Variants in UBE2QL1 observed in about 807,000 individuals in gnomAD.
UBE2QL1 encodes ubiquitin-conjugating enzyme E2Q-like protein 1.
Under a neutral mutation model 12.6 loss-of-function variants are expected in UBE2QL1, and 5 were observed. That is an observed-to-expected ratio of 0.40 (90% CI 0.21 to 0.83). UBE2QL1 has a LOEUF of 0.83. Ranked by LOEUF, UBE2QL1 falls within the 40% of genes least tolerant of loss-of-function variation. UBE2QL1 has a pLI of 0.37. For synonymous variants in UBE2QL1, 96 were observed against 94.5 expected (o/e 1.02, Z -0.10); for missense variants, 99 against 222.6 (o/e 0.44, Z 3.53).
At chr5:6,491,177 C>T (rs1020347932) in intron 1 of UBE2QL1, 41 bp from the exon 2 acceptor site, 6 of 1,491,680 alleles carry the variant, frequency 4.0e-6, no homozygotes, top group African/African-American at 1.4e-5. Flanking sequence ...ACAGAATTCC[C>T]AGTGACGTTC....
chr5:6,492,843 C>T lies in UBE2QL1; in HGVS notation c.*1494C>T, dbSNP rs1364583010. On this transcript the variant is annotated 3_prime_UTR_variant, in exon 2 of 2. Transcript: ENST00000399816. ...CAAGTTCAGATGTTGCCAATTGTAT[C>T]TTACTGCTGTGAAGGAGGAAAAGTC... The T allele has an allele frequency of 6.6e-6, 1 of 152,194 alleles. No individual in the cohort carries two copies. The highest frequency in any genetic ancestry group is 1.5e-5 in the Non-Finnish European group (1 of 68,034). 9.4% of individuals were successfully genotyped at this position (152,194 alleles called of 1,614,324 possible). A position where few individuals can be genotyped will look rare whatever the true frequency, so the allele number is the denominator to read the frequency against.
At chr5:6,464,937 C>T (rs1432218549) in intron 1 of UBE2QL1, among the ~76,000 whole-genome samples, 1 of 152,126 alleles carries the variant, frequency 6.6e-6, no homozygotes, top group Non-Finnish European at 1.5e-5. Flanking sequence ...TACAGAGGCA[C>T]TGTCGCCAGG....
intron 1 of UBE2QL1, among the ~76,000 whole-genome samples, chr5:6,470,830 G>C (rs1560932524): frequency 6.6e-6 from 1 of 152,140 alleles, no homozygotes. Context: ...CCCAGAAGTG[G>C]GGTACTGGAT....
chr5:6,452,785 G>A (rs1430922094), intron 1 of UBE2QL1, among the ~76,000 whole-genome samples: 1 of 152,186 alleles, frequency 6.6e-6, no homozygotes, highest in Admixed American at 6.5e-5. Flanking sequence ...GAGTTTACTG[G>A]CTTCCACTCC....
intron 1 of UBE2QL1, among the ~76,000 whole-genome samples, chr5:6,467,773 C>G (rs1007018157): frequency 6.6e-6 from 1 of 152,126 alleles, no homozygotes; most frequent in Admixed American, 6.5e-5. Context: ...CCTCTCCACC[C>G]GCGCCCCCCA....
chr5:6,475,850 T>C (rs693093), intron 1 of UBE2QL1, among the ~76,000 whole-genome samples: 117,037 of 152,036 alleles, frequency 0.77, 48,006 homozygotes, highest in East Asian at 0.92. Flanking sequence ...AGACAAGCCC[T>C]GCCCCTGTGG....
Position 6,448,986 on chromosome 5 carries a change from G to A in UBE2QL1, c.93G>A (p.Leu31=). 1 of 1,549,848 alleles carries A rather than the reference G, an allele frequency of 6.5e-7. No homozygotes were observed. Among genetic ancestry groups the A allele is most frequent in the East Asian group, 2.5e-5 (1 of 40,760 alleles). The change falls in exon 1 of 2, where the codon CTG becomes CTA. Residue 31 remains leucine (L), a synonymous_variant. Transcript: ENST00000399816. ...DESLFDWNVK[L]HQVDKDSVLW... ...GCCTGTTCGACTGGAACGTGAAGCTGCACCAGGTGGACAAGGACTCGGTGC... is the reference window on the plus strand; with the variant it reads ...GCCTGTTCGACTGGAACGTGAAGCTACACCAGGTGGACAAGGACTCGGTGC...
chr5:6,449,335 GCGCCGGCCC>G (rs1739364986), intron 1 of UBE2QL1, 88 bp downstream of exon 1: 15 of 1,219,666 alleles, frequency 1.2e-5, no homozygotes, highest in Non-Finnish European at 1.6e-5. Context: ...GTGAGGGCCA[GCGCCGGCCC>G]CTCCGGCCAT....
rs954991327 is a variant in UBE2QL1, at chr5:6,470,294, A to G, written c.355-20924A>G. 2.0e-5 allele frequency among the ~76,000 whole-genome samples: 3 copies of G among 152,184 alleles called. No individual in the cohort carries two copies. In the East Asian group the frequency reaches 5.8e-4, roughly 29 times the overall value. ...CTTACTATTACTATTATCATTTTAC[A>G]GTGCTTTGGTATTTCATGAAGAGGC... On this transcript the variant is annotated intron_variant, in intron 1 of 1. Transcript: ENST00000399816.
chr5:6,475,023 C>T (rs979100445), intron 1 of UBE2QL1, among the ~76,000 whole-genome samples: 1 of 152,232 alleles, frequency 6.6e-6, no homozygotes, highest in East Asian at 1.9e-4. Flanking sequence ...GTGACTGGCG[C>T]AGCTTTCCCT....
chr5:6,478,629 T>C lies in UBE2QL1; in HGVS notation c.355-12589T>C, dbSNP rs1734286992. 6.6e-6 allele frequency among the ~76,000 whole-genome samples: 1 copy of C among 152,026 alleles called. No individual in the cohort carries two copies. The highest frequency in any genetic ancestry group is 6.5e-5 in the Admixed American group (1 of 15,274). ...CATTCTTGGTCTCTTTCGGTTTTTT[T>C]TTTTTTGGACTTTAACAGCATCGCC... is the stretch of plus-strand genomic sequence containing the variant. On this transcript the variant is annotated intron_variant, in intron 1 of 1. Coordinates refer to ENST00000399816, the MANE Select transcript of UBE2QL1 (RefSeq NM_001145161.3). The surrounding 1 kb of genome is among the most constrained non-coding windows in gnomAD (Gnocchi z 4.5).
intron 1 of UBE2QL1, among the ~76,000 whole-genome samples, chr5:6,460,893 G>A (rs1215690885): frequency 1.3e-5 from 2 of 152,020 alleles, no homozygotes; most frequent in African/African-American, 4.8e-5. Flanking sequence ...AAACTTCTTG[G>A]CTACCATTTT....
chr5:6,453,783 C>A (rs1739459083), intron 1 of UBE2QL1, among the ~76,000 whole-genome samples: 1 of 152,168 alleles, frequency 6.6e-6, no homozygotes, highest in Admixed American at 6.5e-5. Context: ...AGAAATAGCA[C>A]TTTACTTATG....
chr5:6,464,137 A>T (rs1739735007), intron 1 of UBE2QL1, among the ~76,000 whole-genome samples: 1 of 152,148 alleles, frequency 6.6e-6, no homozygotes, highest in East Asian at 1.9e-4. Flanking sequence ...GAATTACGTA[A>T]TTAAGTAGAA....
In UBE2QL1 at chr5:6,476,702, G is replaced by T. The variant is rs1019542516; in HGVS notation, c.355-14516G>T. Among the ~76,000 whole-genome samples the T allele has an allele frequency of 6.6e-6, 1 of 152,160 alleles. No individual in the cohort carries two copies. Among genetic ancestry groups the T allele is most frequent in the South Asian group, 2.1e-4 (1 of 4,830 alleles). ...GCAGTACCTTTTGGTTCCTTTCATT[G>T]CCTGGAGTGACCTTTGGTCGTATCA... On this transcript the variant is annotated intron_variant, in intron 1 of 1. Transcript: ENST00000399816. This position sits in a 1 kb window ranked among gnomAD's most constrained non-coding sequence, Gnocchi z 4.9.
chr5:6,448,884 C>T lies in UBE2QL1; in HGVS notation c.-10C>T. The T allele has an allele frequency of 3.3e-6, 5 of 1,497,856 alleles. No individual in the cohort carries two copies. Among genetic ancestry groups the T allele is most frequent in the Non-Finnish European group, 3.6e-6 (4 of 1,121,378 alleles). The allele number at this position is 1,497,856 out of a possible 1,614,324, so 92.8% of individuals were successfully genotyped here. A position where few individuals can be genotyped will look rare whatever the true frequency, so the allele number is the denominator to read the frequency against. On this transcript the variant is annotated 5_prime_UTR_variant, in exon 1 of 2. Transcript: ENST00000399816. Reference sequence around the variant, plus strand: ...AGCAACACTGCACGCAGGTGCGCAGCCGGCGGCTCATGAAGGAGCTGCAGG... The same window carrying T: ...AGCAACACTGCACGCAGGTGCGCAGTCGGCGGCTCATGAAGGAGCTGCAGG...
chr5:6,466,153 C>T (rs1334593237), intron 1 of UBE2QL1, among the ~76,000 whole-genome samples: 1 of 152,166 alleles, frequency 6.6e-6, no homozygotes, highest in Non-Finnish European at 1.5e-5. Context: ...GATGCAGCGC[C>T]CAGCGTCTTC....
chr5:6,489,100 T>A lies in UBE2QL1; in HGVS notation c.355-2118T>A, dbSNP rs189967171. Among the ~76,000 whole-genome samples, 94 of 152,306 alleles carry A rather than the reference T, an allele frequency of 6.2e-4. No individual in the cohort carries two copies. In the Middle Eastern group the frequency reaches 0.01, roughly 17 times the overall value. On this transcript the variant is annotated intron_variant, in intron 1 of 1. Transcript: ENST00000399816. ...CTTTTCCTCCGATCTTCCTTCATCC[T>A]TTTAGCAACTCTTCCTATGTGAGTT... is the stretch of plus-strand genomic sequence containing the variant.
chr5:6,482,591 T>A (rs1320634061), intron 1 of UBE2QL1, among the ~76,000 whole-genome samples: 1 of 150,604 alleles, frequency 6.6e-6, no homozygotes, highest in East Asian at 1.9e-4. Context: ...CAGTCCACTC[T>A]AGAGCACGGC....
Sources: allele counts gnomAD v4.1 joint callset (sites outside exome capture counted in the v4.1 genomes callset), GRCh38; gene constraint gnomAD v4.1.1; non-coding constraint Gnocchi (gnomAD v3.1); transcripts MANE v1.5; gene names NCBI Gene and HGNC (gene_info 2026-07-23, HGNC 2026-07-21).